The following KLHL29 variants were observed in gnomAD, a reference collection of about 807,000 sequenced individuals.
KLHL29 encodes the protein kelch like family member 29.
A neutral mutation model predicts 80.4 loss-of-function variants in KLHL29; 21 were observed. The observed-to-expected ratio is 0.26, with a 90% confidence interval of 0.19 to 0.38. The LOEUF (loss-of-function observed/expected upper bound fraction) is 0.38. Among genes scored for constraint, KLHL29 ranks in the 10% least tolerant of loss-of-function variants. The pLI is 1.00. For synonymous variants in KLHL29, 511 were observed against 526.8 expected (o/e 0.97, Z 0.41); for missense variants, 867 against 1,223.9 (o/e 0.71, Z 4.35).
chr2:23,388,155 T>C (rs1011991355), intron 1 of KLHL29, among the ~76,000 whole-genome samples: 2 of 152,180 alleles, frequency 1.3e-5, no homozygotes, highest in African/African-American at 4.8e-5. Context: ...TTTTTAATTA[T>C]GTTTCTAATG....
chr2:23,411,020 A>T (rs1050930206), intron 1 of KLHL29, among the ~76,000 whole-genome samples: 2 of 152,124 alleles, frequency 1.3e-5, no homozygotes, highest in Non-Finnish European at 1.5e-5. Flanking sequence ...CCCTTAAATT[A>T]CGTGCTTAAA....
At chr2:23,449,422 G>A (rs373051886) in intron 1 of KLHL29, among the ~76,000 whole-genome samples, 5 of 152,252 alleles carry the variant, frequency 3.3e-5, no homozygotes, top group African/African-American at 9.6e-5. Context: ...CTATAGGTTG[G>A]CTGGTTCTTC....
chr2:23,612,898 C>G (rs1380311447), intron 3 of KLHL29, among the ~76,000 whole-genome samples: 1 of 151,858 alleles, frequency 6.6e-6, no homozygotes, highest in African/African-American at 2.4e-5. Flanking sequence ...AAATAAATAT[C>G]AATTGTATAC....
At chr2:23,599,983 CATACACACGTGCAGGAG>C (rs1256953987) in intron 3 of KLHL29, among the ~76,000 whole-genome samples, 1 of 152,164 alleles carries the variant, frequency 6.6e-6, no homozygotes, top group African/African-American at 2.4e-5. Context: ...GCAGGGTGTG[CATACACACGTGCAGGAG>C]ATACGCCACA....
At chr2:23,432,681 G>A (rs905195304) in intron 1 of KLHL29, among the ~76,000 whole-genome samples, 1 of 152,244 alleles carries the variant, frequency 6.6e-6, no homozygotes, top group Non-Finnish European at 1.5e-5. Flanking sequence ...CTGAGGAGGC[G>A]TTTTTGAGCT....
chr2:23,655,644 C>T (rs1443396127), intron 5 of KLHL29, among the ~76,000 whole-genome samples: 2 of 152,206 alleles, frequency 1.3e-5, no homozygotes, highest in Non-Finnish European at 2.9e-5. Context: ...GCGCATCCAG[C>T]CAGCCCTCAG....
At chr2:23,474,984 T>C (rs2103437763) in intron 1 of KLHL29, among the ~76,000 whole-genome samples, 1 of 151,630 alleles carries the variant, frequency 6.6e-6, no homozygotes, top group African/African-American at 2.4e-5. Flanking sequence ...ATAGCCTCTT[T>C]CTCCTAGGTA....
chr2:23,418,239 C>T (rs139694466), intron 1 of KLHL29, among the ~76,000 whole-genome samples: 1 of 152,292 alleles, frequency 6.6e-6, no homozygotes, highest in East Asian at 1.9e-4. Context: ...TACCTGGACC[C>T]CGCCATGGAG....
intron 2 of KLHL29, among the ~76,000 whole-genome samples, chr2:23,496,164 C>A (rs1407526806): frequency 6.6e-6 from 1 of 152,258 alleles, no homozygotes; most frequent in African/African-American, 2.4e-5. Flanking sequence ...GGCTTACCCG[C>A]TGCAGCAGTG....
At chr2:23,462,268 G>A (rs1664235764) in intron 1 of KLHL29, among the ~76,000 whole-genome samples, 1 of 152,156 alleles carries the variant, frequency 6.6e-6, no homozygotes, top group Non-Finnish European at 1.5e-5. Flanking sequence ...GCAAAGCATA[G>A]GAAATGCTAC....
chr2:23,699,967 A>C (rs1672264006), intron 11 of KLHL29, among the ~76,000 whole-genome samples: 1 of 152,228 alleles, frequency 6.6e-6, no homozygotes, highest in African/African-American at 2.4e-5. Flanking sequence ...GCCATCAGTC[A>C]AGAACTTGCT....
chr2:23,486,921 T>C (rs1664945238), intron 2 of KLHL29, among the ~76,000 whole-genome samples: 1 of 152,186 alleles, frequency 6.6e-6, no homozygotes. Flanking sequence ...CCCAAGGCTG[T>C]GCTAAGCAAC....
Position 23,695,697 on chromosome 2 carries a change from T to C in KLHL29, c.1617T>C (p.Asn539=). 1 of 1,551,562 alleles carries C rather than the reference T, an allele frequency of 6.4e-7. No homozygotes were observed. Among genetic ancestry groups the C allele is most frequent in the Middle Eastern group, 1.7e-4 (1 of 5,992 alleles). ...GCTACCTGCTCAATGTGGTTGACAATGAAGAGCTGATCAAGTCATCAGAAG... is the reference window on the plus strand; with the variant it reads ...GCTACCTGCTCAATGTGGTTGACAACGAAGAGCTGATCAAGTCATCAGAAG... ...HPSYLLNVVD[N]EELIKSSEAC... is the part of the protein sequence containing the mutation. Residue 539 remains asparagine (N), a synonymous_variant, in exon 9 of 14, where the codon AAT becomes AAC. Coordinates refer to ENST00000486442, the MANE Select transcript of KLHL29 (RefSeq NM_052920.2). The surrounding 1 kb of genome is among the most constrained non-coding windows in gnomAD (Gnocchi z 7.6).
At chr2:23,644,339 C>G (rs1452672266) in intron 5 of KLHL29, 1 of 152,066 alleles carries the variant, frequency 6.6e-6, no homozygotes, top group Admixed American at 6.5e-5. Flanking sequence ...ACTCTGACAA[C>G]TGGGCAGCGG....
intron 5 of KLHL29, among the ~76,000 whole-genome samples, chr2:23,677,578 T>C (rs1670958048): frequency 6.6e-6 from 1 of 152,230 alleles, no homozygotes; most frequent in African/African-American, 2.4e-5. Context: ...GAGCCCGCTC[T>C]TGGCCTTCAG....
intron 2 of KLHL29, among the ~76,000 whole-genome samples, chr2:23,523,539 G>T (rs138280437): frequency 3.5e-4 from 53 of 152,304 alleles, no homozygotes; most frequent in Middle Eastern, 3.4e-3. Context: ...ACTGCACTCT[G>T]GCTACAGACT....
Position 23,691,682 on chromosome 2 carries a change from A to T in KLHL29, c.1088A>T (p.Gln363Leu), listed in dbSNP as rs1245556388. Reference protein sequence around the residue: ...YFKDLIQRSVQDSGQGGREKL... With the variant: ...YFKDLIQRSVLDSGQGGREKL... ...CTGGTCTCTGTGCCTAGGTCCGTGC[A>T]AGACAGCGGCCAGGGCGGCCGGGAG... Residue 363 changes from glutamine to leucine, a missense_variant, in exon 7 of 14, where the codon CAA becomes CTA. By Grantham distance (113) the Gln-to-Leu change is moderately radical. This residue lies in a region of KLHL29 where 443 missense variants were observed against 767.0 expected (regional missense o/e 0.58). Coordinates refer to ENST00000486442, the MANE Select transcript of KLHL29 (RefSeq NM_052920.2). The T allele has an allele frequency of 7.1e-6, 11 of 1,551,720 alleles. No individual in the cohort carries two copies. The highest frequency in any genetic ancestry group is 9.6e-6 in the Non-Finnish European group (11 of 1,147,020).
intron 3 of KLHL29, among the ~76,000 whole-genome samples, chr2:23,633,755 T>TGTGTGTG (rs1558416938): frequency 3.6e-5 from 1 of 27,854 alleles, no homozygotes; most frequent in Admixed American, 4.9e-4. Context: ...GTCACAGCAC[T>TGTGTGTG]CGTGTGTGTG....
At chr2:23,585,652 C>T (rs1668099541) in intron 3 of KLHL29, among the ~76,000 whole-genome samples, 1 of 152,126 alleles carries the variant, frequency 6.6e-6, no homozygotes, top group Admixed American at 6.5e-5. Context: ...GGCTCCCCAC[C>T]ACCATGCCCA....
Sources: gnomAD v4.1 joint callset for allele counts (sites outside exome capture counted in the v4.1 genomes callset) on GRCh38, gnomAD v4.1.1 for gene constraint, gnomAD v4.1.1 regional missense constraint, Gnocchi (gnomAD v3.1) non-coding constraint, MANE v1.5 for transcripts, NCBI Gene and HGNC (gene_info 2026-07-23, HGNC 2026-07-21) for gene names.